ACTN1: variants seen among roughly 807,000 people sequenced by gnomAD.
ACTN1 encodes alpha-actinin-1.
A neutral mutation model predicts 119.6 loss-of-function variants in ACTN1; 30 were observed. That is an observed-to-expected ratio of 0.25 (90% CI 0.19 to 0.34). The LOEUF (loss-of-function observed/expected upper bound fraction) is 0.34, where lower values mean the gene tolerates loss of function less well. Among genes scored for constraint, ACTN1 ranks in the 10% least tolerant of loss-of-function variants. ACTN1 has a pLI of 1.00. For synonymous variants in ACTN1, 429 were observed against 472.6 expected, an observed-to-expected ratio of 0.91 and a Z score of 1.20; for missense variants, 764 against 1,223.4, an observed-to-expected ratio of 0.62 and a Z score of 5.60.
Position 68,921,136 on chromosome 14 carries a change from CAAGAGGGAGG to C in ACTN1, c.221-21_221-12del. ...TGGCCAAGCGTTCACCTGTTTGGAT[CAAGAGGGAGG>C]AAGAGGAAGGTGAGACGCTATGAGC... On this transcript the variant is annotated splice_polypyrimidine_tract_variant and intron_variant, in intron 2 of 21. Coordinates refer to ENST00000394419, the MANE Select transcript of ACTN1 (RefSeq NM_001130004.2). The C allele has an allele frequency of 6.2e-7, 1 of 1,613,668 alleles. No homozygotes were observed.
chr14:68,977,814 A>G (rs2037115009), intron 1 of ACTN1: 1 of 342,398 alleles, frequency 2.9e-6, no homozygotes, highest in Non-Finnish European at 5.8e-6. Context: ...CCCCCCACCC[A>G]AAACCCCATT....
At chr14:68,886,343 C>T (rs2032003962) in intron 11 of ACTN1, 2 of 152,208 alleles carry the variant, frequency 1.3e-5, no homozygotes, top group African/African-American at 4.8e-5. Context: ...CATTTCTTTC[C>T]TTCCCCCTAC....
At position 68,925,318 on chromosome 14, in the gene ACTN1, CTTTTTTTTTTTT is replaced by C. The variant is rs36108835; in HGVS notation, c.220+228_220+239del. On this transcript the variant is annotated intron_variant, in intron 2 of 21. Coordinates refer to ENST00000394419, the MANE Select transcript of ACTN1 (RefSeq NM_001130004.2). The surrounding 1 kb of genome is among the most constrained non-coding windows in gnomAD (Gnocchi z 4.3). ...GAAGGAACCTCAGTTCCTTCAAACC[CTTTTTTTTTTTT>C]TTTTTTTTTTTAAAACAAACAAGGA... Among the ~76,000 whole-genome samples, 4 of 121,260 alleles carry C rather than the reference CTTTTTTTTTTTT, an allele frequency of 3.3e-5. No homozygotes were observed. Among genetic ancestry groups the C allele is most frequent in the African/African-American group, 9.1e-5 (3 of 33,112 alleles). 79.6% of individuals were successfully genotyped at this position (121,260 alleles called of 152,430 possible). A position where few individuals can be genotyped will look rare whatever the true frequency, so the allele number is the denominator to read the frequency against.
chr14:68,927,866 C>A (rs565194082), intron 1 of ACTN1, among the ~76,000 whole-genome samples: 1 of 152,214 alleles, frequency 6.6e-6, no homozygotes, highest in African/African-American at 2.4e-5. Context: ...CACTGGTCTG[C>A]CCAGTGTCTT....
intron 2 of ACTN1, among the ~76,000 whole-genome samples, chr14:68,924,365 G>T (rs144037125): frequency 6.6e-6 from 1 of 152,176 alleles, no homozygotes; most frequent in African/African-American, 2.4e-5. Flanking sequence ...TTGTGCAAAG[G>T]CACAGGAAAC....
rs3742891 is a variant in ACTN1 at position 68,909,906 on chromosome 14, G to T, written c.515+49C>A. The T allele has an allele frequency of 1.3e-6, 2 of 1,554,968 alleles. No individual in the cohort carries two copies. The highest frequency in any genetic ancestry group is 2.2e-5 in the South Asian group (2 of 89,266). On this transcript the variant is annotated intron_variant, in intron 5 of 21. Coordinates refer to ENST00000394419, the MANE Select transcript of ACTN1 (RefSeq NM_001130004.2). This position sits in a 1 kb window ranked among gnomAD's most constrained non-coding sequence, Gnocchi z 4.1. Reference sequence around the variant, plus strand: ...CAGCCAAGGGGGTCTGGGAGCTCCCGGGGGAGGCAGCCTGGTTCTGTGAGA... The same window carrying T: ...CAGCCAAGGGGGTCTGGGAGCTCCCTGGGGAGGCAGCCTGGTTCTGTGAGA...
At chr14:68,932,301 G>A (rs546990342) in intron 1 of ACTN1, among the ~76,000 whole-genome samples, 9 of 151,528 alleles carry the variant, frequency 5.9e-5, no homozygotes, top group South Asian at 2.1e-4. Context: ...TCTCTCTCCC[G>A]TGCTGGATGC....
At chr14:68,938,346 G>T (rs557955121) in intron 1 of ACTN1, among the ~76,000 whole-genome samples, 1 of 152,096 alleles carries the variant, frequency 6.6e-6, no homozygotes, top group Non-Finnish European at 1.5e-5. Flanking sequence ...TTCAGAGTAG[G>T]GGGGACTGGG....
chr14:68,880,464 T>TAC lies in ACTN1; in HGVS notation c.2133+344_2133+345dup, dbSNP rs150904596. ...CCACAGCCACGCGCGCACACACACA[T>TAC]ACACACACACACACTCTTGCACAGT... On this transcript the variant is annotated intron_variant, in intron 17 of 21. Transcript: ENST00000394419. The surrounding 1 kb of genome is among the most constrained non-coding windows in gnomAD (Gnocchi z 4.6). 0.24 allele frequency among the ~76,000 whole-genome samples: 36,969 copies of TAC among 151,228 alleles called. 4,892 individuals carry two copies. The highest frequency in any genetic ancestry group is 0.35 in the African/African-American group (14,216 of 41,188).
chr14:68,941,329 G>C (rs1046409389), intron 1 of ACTN1, among the ~76,000 whole-genome samples: 14 of 152,196 alleles, frequency 9.2e-5, no homozygotes, highest in African/African-American at 3.4e-4. Flanking sequence ...AGATTGCTGG[G>C]CCCCACCGCC....
rs368874672 is a variant in ACTN1, at chr14:68,892,298, C to T, written c.856-15G>A. 1.9e-5 allele frequency: 31 copies of T among 1,600,808 alleles called. No homozygotes were observed. In the East Asian group the frequency reaches 4.9e-4, roughly 25 times the overall value. Reference sequence around the variant, plus strand: ...CACTCCAACAGCTAGGGTGGGAAGGCGGTGGGGGCAGGAGGTGAGGAGGCG... The same window carrying T: ...CACTCCAACAGCTAGGGTGGGAAGGTGGTGGGGGCAGGAGGTGAGGAGGCG... On this transcript the variant is annotated splice_polypyrimidine_tract_variant and intron_variant, in intron 9 of 21. Transcript: ENST00000394419.
intron 1 of ACTN1, among the ~76,000 whole-genome samples, chr14:68,950,168 C>T (rs1473445546): frequency 6.6e-6 from 1 of 151,848 alleles, no homozygotes; most frequent in East Asian, 1.9e-4. Context: ...GTGGCAGGTG[C>T]CTGTAATCCC....
rs1182627209 is a variant in ACTN1 at position 68,874,654 on chromosome 14, T to G, written c.*205A>C. The G allele has an allele frequency of 6.9e-6, 3 of 434,820 alleles. No homozygotes were observed. Among genetic ancestry groups the G allele is most frequent in the African/African-American group, 6.1e-5 (3 of 49,274 alleles). 26.9% of individuals were successfully genotyped at this position (434,820 alleles called of 1,614,324 possible). On this transcript the variant is annotated 3_prime_UTR_variant, in exon 22 of 22. Coordinates refer to ENST00000394419, the MANE Select transcript of ACTN1 (RefSeq NM_001130004.2). ...TATAATAAAATATGTAGTTTTTTGG[T>G]TTTTAACGTAACTTTTTTTTCTTTT... is the stretch of plus-strand genomic sequence containing the variant.
At chr14:68,902,061 A>G (rs2033377929) in intron 8 of ACTN1, among the ~76,000 whole-genome samples, 1 of 152,208 alleles carries the variant, frequency 6.6e-6, no homozygotes, top group Non-Finnish European at 1.5e-5. Context: ...TGAAGACTGG[A>G]GGTGTCTCCC....
rs1292599678 is a variant in ACTN1 at position 68,909,803 on chromosome 14, G to A, written c.515+152C>T. ...GGAGAGAGACGGGGGGATTCAGAGC[G>A]ATGGCGACATCCCCTTCCCAAGGAA... is the stretch of plus-strand genomic sequence containing the variant. On this transcript the variant is annotated intron_variant, in intron 5 of 21. Coordinates refer to ENST00000394419, the MANE Select transcript of ACTN1 (RefSeq NM_001130004.2). This position sits in a 1 kb window ranked among gnomAD's most constrained non-coding sequence, Gnocchi z 4.1. 3.1e-6 allele frequency: 2 copies of A among 648,480 alleles called. No homozygotes were observed. The highest frequency in any genetic ancestry group is 2.7e-5 in the East Asian group (1 of 37,174). The allele number at this position is 648,480 out of a possible 1,614,324, so 40.2% of individuals were successfully genotyped here. A position where few individuals can be genotyped will look rare whatever the true frequency, so the allele number is the denominator to read the frequency against.
intron 1 of ACTN1, among the ~76,000 whole-genome samples, chr14:68,964,055 T>C (rs2140630764): frequency 6.6e-6 from 1 of 152,318 alleles, no homozygotes; most frequent in South Asian, 2.1e-4. Context: ...ACCCCAGGAA[T>C]TAAATATCTA....
chr14:68,914,592 T>C (rs1235646390), intron 3 of ACTN1, among the ~76,000 whole-genome samples: 2 of 152,082 alleles, frequency 1.3e-5, no homozygotes, highest in African/African-American at 4.8e-5. Flanking sequence ...ATAGGAGACC[T>C]TGTCTCTACA....
intron 3 of ACTN1, among the ~76,000 whole-genome samples, chr14:68,916,443 ATTCACACCAAAGGCATAGT>A (rs1165209634): frequency 6.6e-6 from 1 of 152,196 alleles, no homozygotes; most frequent in Non-Finnish European, 1.5e-5. Context: ...CTGAATTCTC[ATTCACACCAAAGGCATAGT>A]TTCACTCCAG....
intron 1 of ACTN1, among the ~76,000 whole-genome samples, chr14:68,960,109 ATT>A (rs1042910371): frequency 1.3e-5 from 2 of 152,186 alleles, no homozygotes; most frequent in African/African-American, 4.8e-5. Context: ...TTGTCTCCAC[ATT>A]GAGTAGGCTG....
Sources: allele counts gnomAD v4.1 joint callset (sites outside exome capture counted in the v4.1 genomes callset), GRCh38; gene constraint gnomAD v4.1.1; non-coding constraint Gnocchi (gnomAD v3.1); transcripts MANE v1.5; gene names NCBI Gene and HGNC (gene_info 2026-07-23, HGNC 2026-07-21).